Variants in PVT1 observed in about 807,000 individuals in gnomAD.
PVT1 encodes the protein CXCR4/PVT1 fusion.
chr8:127,922,893 G>T (rs944408637), intron 3 of PVT1, among the ~76,000 whole-genome samples: 5 of 152,170 alleles, frequency 3.3e-5, no homozygotes, highest in Non-Finnish European at 7.3e-5. Flanking sequence ...ACTTTCAGAG[G>T]TATCTGGGCC....
intron 4 of PVT1, among the ~76,000 whole-genome samples, chr8:128,011,433 A>T (rs1379451020): frequency 6.6e-6 from 1 of 152,056 alleles, no homozygotes; most frequent in African/African-American, 2.4e-5. Context: ...AAAATAAGAG[A>T]CCTCAGAGAG....
intron 4 of PVT1, among the ~76,000 whole-genome samples, chr8:128,000,141 C>A (rs1212904897): frequency 2.0e-5 from 3 of 152,214 alleles, no homozygotes; most frequent in Non-Finnish European, 4.4e-5. Context: ...CTCCATACAA[C>A]CTCTTCCCCT....
intron 4 of PVT1, among the ~76,000 whole-genome samples, chr8:128,041,764 A>G (rs908658108): frequency 7.2e-5 from 11 of 152,060 alleles, no homozygotes; most frequent in Non-Finnish European, 1.3e-4. Flanking sequence ...CTATGTGTCA[A>G]GCATCCCCTA....
intron 2 of PVT1, among the ~76,000 whole-genome samples, chr8:127,865,132 G>A (rs1815272777): frequency 6.6e-6 from 1 of 152,194 alleles, no homozygotes; most frequent in African/African-American, 2.4e-5. Flanking sequence ...CCTGAAGTGG[G>A]CACCACATTA....
chr8:127,970,000 T>C (rs1426805836), intron 3 of PVT1, among the ~76,000 whole-genome samples: 1 of 152,138 alleles, frequency 6.6e-6, no homozygotes, highest in Non-Finnish European at 1.5e-5. Flanking sequence ...GAACTTTTCT[T>C]CCCAGAAAAG....
At chr8:128,011,691 T>C (rs145859246) in intron 4 of PVT1, among the ~76,000 whole-genome samples, 1 of 152,198 alleles carries the variant, frequency 6.6e-6, no homozygotes, top group Non-Finnish European at 1.5e-5. Context: ...AGAGAGAAGA[T>C]GTGGAGAGGA....
chr8:127,862,521 A>G (rs920245223), intron 2 of PVT1, among the ~76,000 whole-genome samples: 1 of 152,028 alleles, frequency 6.6e-6, no homozygotes, highest in Non-Finnish European at 1.5e-5. Flanking sequence ...CATAGCTTAG[A>G]CCTCCCAAGC....
chr8:127,998,757 C>T (rs1285594479), intron 4 of PVT1, among the ~76,000 whole-genome samples: 1 of 138,806 alleles, frequency 7.2e-6, no homozygotes, highest in Non-Finnish European at 1.5e-5. Flanking sequence ...CCTTTCTTTT[C>T]CTACCTTCCT....
At chr8:127,827,767 T>C (rs189902705) in intron 2 of PVT1, among the ~76,000 whole-genome samples, 80 of 152,174 alleles carry the variant, frequency 5.3e-4, no homozygotes. Context: ...TTGAGTTGAG[T>C]TCTGCAGGAG....
At chr8:127,847,424 T>A (rs1759792043) in intron 2 of PVT1, among the ~76,000 whole-genome samples, 1 of 152,214 alleles carries the variant, frequency 6.6e-6, no homozygotes, top group African/African-American at 2.4e-5. Context: ...CTATCCAAAC[T>A]ACAAAAGCAT....
intron 3 of PVT1, chr8:127,960,622 C>T: frequency 2.0e-6 from 1 of 504,948 alleles, no homozygotes; most frequent in Non-Finnish European, 4.0e-6. Context: ...GGAAAGTGAA[C>T]ACTTATCACT....
intron 2 of PVT1, among the ~76,000 whole-genome samples, chr8:127,813,023 G>A (rs1259043535): frequency 2.0e-5 from 3 of 151,670 alleles, no homozygotes; most frequent in Non-Finnish European, 4.4e-5. Context: ...CTGGAGTAAT[G>A]TTATCTAGTA....
intron 2 of PVT1, among the ~76,000 whole-genome samples, chr8:127,845,128 T>C (rs913402121): frequency 1.3e-5 from 2 of 152,074 alleles, no homozygotes; most frequent in African/African-American, 2.4e-5. Context: ...AAATGAGGTG[T>C]GTTTAGAATT....
At chr8:128,043,317 C>T (rs1050875446) in intron 4 of PVT1, among the ~76,000 whole-genome samples, 2 of 152,174 alleles carry the variant, frequency 1.3e-5, no homozygotes, top group South Asian at 2.1e-4. Context: ...TAGGACTTCA[C>T]GTTGCAACTC....
chr8:128,025,722 T>C (rs1402170006), intron 4 of PVT1, among the ~76,000 whole-genome samples: 1 of 152,194 alleles, frequency 6.6e-6, no homozygotes, highest in East Asian at 1.9e-4. Context: ...AGTCAGAGCA[T>C]TGCAATAATT....
intron 4 of PVT1, among the ~76,000 whole-genome samples, chr8:128,046,166 A>G (rs1009307980): frequency 6.6e-6 from 1 of 152,210 alleles, no homozygotes; most frequent in Non-Finnish European, 1.5e-5. Flanking sequence ...AGAAATGACA[A>G]TGCTGAAAGA....
chr8:127,851,017 A>T (rs192420494), intron 2 of PVT1, among the ~76,000 whole-genome samples: 8 of 148,784 alleles, frequency 5.4e-5, no homozygotes, highest in African/African-American at 2.1e-4. Context: ...AAAAAAAAAA[A>T]TTAAAAAAAA....
intron 3 of PVT1, among the ~76,000 whole-genome samples, chr8:127,938,264 A>G (rs927932015): frequency 1.3e-5 from 2 of 152,238 alleles, no homozygotes; most frequent in Admixed American, 6.5e-5. Context: ...TGACAATCTC[A>G]GCACTTTCCA....
At chr8:127,875,194 C>T (rs1356564184) in intron 2 of PVT1, among the ~76,000 whole-genome samples, 2 of 152,130 alleles carry the variant, frequency 1.3e-5, no homozygotes, top group African/African-American at 4.8e-5. Context: ...CACATCGTCC[C>T]CTTCCTCACA....
Sources: gnomAD v4.1 joint callset for allele counts (sites outside exome capture counted in the v4.1 genomes callset) on GRCh38, gnomAD v4.1.1 for gene constraint, MANE v1.5 for transcripts, NCBI Gene and HGNC (gene_info 2026-07-23, HGNC 2026-07-21) for gene names.